The following DLG2 variants were observed in gnomAD, a reference collection of about 807,000 sequenced individuals.
The protein encoded by DLG2 is discs large MAGUK scaffold protein 2.
In DLG2, 45 loss-of-function variants were observed where a neutral mutation model predicts 132.5. The ratio of observed to expected loss-of-function variants is 0.34; its 90% CI spans 0.27 to 0.44. The LOEUF is 0.44. Ranked by LOEUF, DLG2 falls within the 20% of genes least tolerant of loss-of-function variation. The pLI is 1.00. For missense variants in DLG2, 1,045 were observed against 1,196.9 expected (o/e 0.87, Z 1.87); for synonymous variants, 424 against 419.6 (o/e 1.01, Z -0.13).
At chr11:83,555,617 A>AT (rs10714552) in intron 19 of DLG2, among the ~76,000 whole-genome samples, 3 of 151,652 alleles carry the variant, frequency 2.0e-5, no homozygotes, top group Admixed American at 6.6e-5. Flanking sequence ...AGAATATATC[A>AT]TTTTTTTTTC....
intron 6 of DLG2, among the ~76,000 whole-genome samples, chr11:84,928,315 C>T (rs1360334657): frequency 6.6e-6 from 1 of 151,910 alleles, no homozygotes; most frequent in Non-Finnish European, 1.5e-5. Context: ...CCTTTTCTTG[C>T]ACTTGCCAGC....
intron 14 of DLG2, among the ~76,000 whole-genome samples, chr11:83,936,463 A>C (rs2081457767): frequency 6.6e-6 from 1 of 152,152 alleles, no homozygotes; most frequent in South Asian, 2.1e-4. Context: ...ATCACATCAG[A>C]TTGTTGGGTC....
chr11:85,095,842 T>A (rs1016228960), intron 6 of DLG2, among the ~76,000 whole-genome samples: 3 of 152,186 alleles, frequency 2.0e-5, no homozygotes, highest in African/African-American at 7.2e-5. Context: ...TCTCCATGCC[T>A]TGGCATGTTC....
Position 85,511,641 on chromosome 11 carries a change from T to G in DLG2, c.40+87016A>C, listed in dbSNP as rs943145660. On this transcript the variant is annotated intron_variant, in intron 3 of 27. Transcript: ENST00000376104. ...TGTCTTGGAAATTTATCACTGAGGC[T>G]TCATCCTTCATTAAGATTAAATGTT... 1.3e-4 allele frequency among the ~76,000 whole-genome samples: 20 copies of G among 152,172 alleles called. 1 individual carries two copies. The highest frequency in any genetic ancestry group is 4.1e-4 in the African/African-American group (17 of 41,540).
intron 4 of DLG2, among the ~76,000 whole-genome samples, chr11:85,215,716 T>A (rs2082544395): frequency 6.6e-6 from 1 of 152,140 alleles, no homozygotes. Flanking sequence ...TCTTGTCCCT[T>A]CTCTACAAAT....
intron 6 of DLG2, among the ~76,000 whole-genome samples, chr11:84,556,893 C>T (rs1349513732): frequency 1.3e-5 from 2 of 152,154 alleles, no homozygotes; most frequent in Non-Finnish European, 2.9e-5. Flanking sequence ...ATCAGCTATA[C>T]AATCTATAAG....
chr11:85,436,208 T>C (rs1054803238), intron 3 of DLG2, among the ~76,000 whole-genome samples: 7 of 152,238 alleles, frequency 4.6e-5, no homozygotes, highest in African/African-American at 1.2e-4. Flanking sequence ...ATAGACACCG[T>C]AGAAGAAAAC....
At chr11:85,010,823 G>T (rs918357992) in intron 6 of DLG2, among the ~76,000 whole-genome samples, 4 of 151,974 alleles carry the variant, frequency 2.6e-5, no homozygotes, top group Non-Finnish European at 4.4e-5. Context: ...GGTTTCCACC[G>T]CAAAACAAAA....
chr11:84,205,974 C>A (rs1411992610), intron 8 of DLG2, among the ~76,000 whole-genome samples: 1 of 151,774 alleles, frequency 6.6e-6, no homozygotes, highest in Non-Finnish European at 1.5e-5. Flanking sequence ...GGCATCAATT[C>A]CAATATCAGG....
chr11:84,903,175 A>G (rs576379129), intron 6 of DLG2, among the ~76,000 whole-genome samples: 1 of 152,314 alleles, frequency 6.6e-6, no homozygotes, highest in African/African-American at 2.4e-5. Flanking sequence ...ACTATAAAAC[A>G]TACAAGAGAA....
intron 6 of DLG2, among the ~76,000 whole-genome samples, chr11:84,538,563 C>G (rs181130947): frequency 6.6e-6 from 1 of 152,160 alleles, no homozygotes. Context: ...ACCTATATTT[C>G]TGCACAGTTC....
intron 4 of DLG2, among the ~76,000 whole-genome samples, chr11:85,172,887 T>A (rs680675): frequency 6.6e-6 from 1 of 151,738 alleles, no homozygotes; most frequent in African/African-American, 2.4e-5. Flanking sequence ...TTGAAGACAA[T>A]CTTTCTGAAA....
At chr11:84,496,705 T>C (rs1274772697) in intron 7 of DLG2, among the ~76,000 whole-genome samples, 3 of 152,166 alleles carry the variant, frequency 2.0e-5, no homozygotes, top group Admixed American at 6.5e-5. Context: ...TTAAAATTTA[T>C]TTAGTATTAC....
chr11:83,986,844 T>C (rs1337513199), intron 11 of DLG2, among the ~76,000 whole-genome samples: 2 of 152,198 alleles, frequency 1.3e-5, no homozygotes, highest in African/African-American at 2.4e-5. Context: ...GTTTTTGGGC[T>C]GCATAAATGT....
At chr11:84,273,042 T>C (rs752059835) in intron 7 of DLG2, 13 of 976,300 alleles carry the variant, frequency 1.3e-5, no homozygotes, top group Non-Finnish European at 1.7e-5. Context: ...AGAAAATAAC[T>C]ATGATCATCA....
At chr11:84,212,257 G>A (rs746383630) in intron 8 of DLG2, among the ~76,000 whole-genome samples, 8 of 152,160 alleles carry the variant, frequency 5.3e-5, no homozygotes, top group Admixed American at 3.3e-4. Context: ...TGATACCAGA[G>A]CATATTCCTT....
intron 3 of DLG2, among the ~76,000 whole-genome samples, chr11:85,339,213 C>T (rs1207104912): frequency 6.6e-6 from 1 of 152,152 alleles, no homozygotes; most frequent in Non-Finnish European, 1.5e-5. Context: ...AACAGATGTA[C>T]AGTACTCCAT....
At chr11:83,945,806 C>CTGTGTGTG (rs56913664) in intron 14 of DLG2, among the ~76,000 whole-genome samples, 2,966 of 136,282 alleles carry the variant, frequency 0.022, 105 homozygotes, top group Admixed American at 0.078. Context: ...AGAAATGCCT[C>CTGTGTGTG]TGTGTGTGTG....
intron 5 of DLG2, among the ~76,000 whole-genome samples, chr11:85,114,084 A>G (rs2073181185): frequency 1.3e-5 from 2 of 152,010 alleles, no homozygotes; most frequent in South Asian, 4.1e-4. Context: ...TAAAGAAGGC[A>G]AGATCTAACA....
Sources: allele counts gnomAD v4.1 joint callset (sites outside exome capture counted in the v4.1 genomes callset), GRCh38; gene constraint gnomAD v4.1.1; transcripts MANE v1.5; gene names NCBI Gene and HGNC (gene_info 2026-07-23, HGNC 2026-07-21).